CTNND2: variants seen among roughly 807,000 people sequenced by gnomAD.
CTNND2 encodes the protein catenin delta-2.
CTNND2 carries 22 observed loss-of-function variants against 144.4 expected under a neutral mutation model. The ratio of observed to expected loss-of-function variants is 0.15; its 90% CI spans 0.11 to 0.22. The LOEUF is 0.22. Among genes scored for constraint, CTNND2 ranks in the 10% least tolerant of loss-of-function variants. The pLI, the probability that CTNND2 is intolerant of heterozygous loss-of-function variation, is 1.00. For synonymous variants in CTNND2, 751 were observed against 695.6 expected (o/e 1.08, Z -1.25); for missense variants, 1,353 against 1,618.8 (o/e 0.84, Z 2.82).
chr5:11,067,818 G>C (rs1747775686), intron 16 of CTNND2, among the ~76,000 whole-genome samples: 1 of 152,196 alleles, frequency 6.6e-6, no homozygotes, highest in Non-Finnish European at 1.5e-5. Flanking sequence ...TAAGTGGAAA[G>C]GTAGAGACTT....
At chr5:11,088,231 T>C (rs1025033108) in intron 15 of CTNND2, among the ~76,000 whole-genome samples, 3 of 152,146 alleles carry the variant, frequency 2.0e-5, no homozygotes, top group Non-Finnish European at 4.4e-5. Flanking sequence ...CCTCAGATCT[T>C]ATTCTGAGAC....
chr5:11,182,149 TG>T (rs1247277205), intron 11 of CTNND2, among the ~76,000 whole-genome samples: 4 of 127,892 alleles, frequency 3.1e-5, no homozygotes, highest in Non-Finnish European at 5.0e-5. Context: ...TGTGTGTGGA[TG>T]GGGTGTGTGT....
At chr5:11,228,577 C>T (rs554785512) in intron 10 of CTNND2, among the ~76,000 whole-genome samples, 1 of 151,620 alleles carries the variant, frequency 6.6e-6, no homozygotes, top group East Asian at 2.0e-4. Flanking sequence ...CCTCGTCCTC[C>T]CAGGCTCAAG....
chr5:11,768,246 A>G (rs1230894447), intron 1 of CTNND2, among the ~76,000 whole-genome samples: 2 of 151,270 alleles, frequency 1.3e-5, no homozygotes, highest in Non-Finnish European at 2.9e-5. Flanking sequence ...TAGCACTCAG[A>G]GAGTCTCTCT....
chr5:11,743,092 T>A (rs1425532327), intron 1 of CTNND2, among the ~76,000 whole-genome samples: 2 of 152,234 alleles, frequency 1.3e-5, no homozygotes, highest in Admixed American at 1.3e-4. Context: ...TAGTAATAGT[T>A]GTCAAAACTA....
rs1280374399 is a variant in CTNND2, at chr5:10,972,691, G to C, written c.*762C>G. 6.6e-6 allele frequency: 1 copy of C among 152,544 alleles called. No individual in the cohort carries two copies. 9.4% of individuals were successfully genotyped at this position (152,544 alleles called of 1,614,324 possible). A position where few individuals can be genotyped will look rare whatever the true frequency, so the allele number is the denominator to read the frequency against. On this transcript the variant is annotated 3_prime_UTR_variant, in exon 22 of 22. Transcript: ENST00000304623. ...GTGGAATGATGTATGTTAATTGTCA[G>C]AAACTGCTGAATGCCTTGTTTAGTT... is the stretch of plus-strand genomic sequence containing the variant.
chr5:11,838,410 AAAC>A (rs1200820327), intron 1 of CTNND2, among the ~76,000 whole-genome samples: 3 of 152,172 alleles, frequency 2.0e-5, no homozygotes, highest in Non-Finnish European at 4.4e-5. Flanking sequence ...AGTGGTTCTC[AAAC>A]TTCGGGCAAT....
intron 1 of CTNND2, among the ~76,000 whole-genome samples, chr5:11,771,523 A>G (rs1001267265): frequency 3.9e-5 from 6 of 152,220 alleles, no homozygotes; most frequent in African/African-American, 1.4e-4. Context: ...TCAATGTTAA[A>G]GGGTTTTTTT....
At chr5:11,433,657 A>G (rs1763501610) in intron 3 of CTNND2, among the ~76,000 whole-genome samples, 2 of 152,252 alleles carry the variant, frequency 1.3e-5, no homozygotes, top group South Asian at 2.1e-4. Context: ...TAGGTGCCAC[A>G]CACTTTTAAA....
At chr5:11,554,010 A>C (rs1216703300) in intron 3 of CTNND2, among the ~76,000 whole-genome samples, 1 of 152,184 alleles carries the variant, frequency 6.6e-6, no homozygotes, top group Non-Finnish European at 1.5e-5. Context: ...TAAAGTATTC[A>C]ACCTTTCTAA....
At chr5:11,080,617 T>C (rs1023429505) in intron 16 of CTNND2, among the ~76,000 whole-genome samples, 11 of 152,320 alleles carry the variant, frequency 7.2e-5, no homozygotes, top group African/African-American at 2.4e-4. Context: ...ATACGGTATA[T>C]ATACACAAAG....
chr5:11,250,872 C>T lies in CTNND2; in HGVS notation c.1629-14049G>A, dbSNP rs992138292. ...AGGGGTACACAGGGCAGATGGAAGA[C>T]GTTTGACTACACCATAAAGACTAAG... On this transcript the variant is annotated intron_variant, in intron 9 of 21. Transcript: ENST00000304623. Among the ~76,000 whole-genome samples the T allele has an allele frequency of 3.3e-5, 5 of 152,116 alleles. No homozygotes were observed. In the South Asian group the frequency reaches 6.2e-4, roughly 19 times the overall value.
intron 14 of CTNND2, 76 bp from the exon 15 acceptor site, chr5:11,098,824 C>T: frequency 7.2e-7 from 1 of 1,392,488 alleles, no homozygotes; most frequent in Admixed American, 1.9e-5. Flanking sequence ...TCAAACATTA[C>T]AGGCGAAAAC....
At chr5:11,436,906 C>G (rs1437264334) in intron 3 of CTNND2, among the ~76,000 whole-genome samples, 1 of 152,174 alleles carries the variant, frequency 6.6e-6, no homozygotes, top group Admixed American at 6.5e-5. Context: ...AAAATGTTAA[C>G]TTACAAATGG....
chr5:11,089,191 A>G (rs1750495882), intron 15 of CTNND2, among the ~76,000 whole-genome samples: 1 of 152,168 alleles, frequency 6.6e-6, no homozygotes. Context: ...CATCAGGAGA[A>G]AATAACTTAT....
intron 12 of CTNND2, among the ~76,000 whole-genome samples, chr5:11,134,083 A>T (rs1218511224): frequency 6.6e-6 from 1 of 152,202 alleles, no homozygotes; most frequent in Non-Finnish European, 1.5e-5. Context: ...AACTCTTCAA[A>T]TCAGAAGAGG....
chr5:11,745,814 C>A (rs1047780728), intron 1 of CTNND2, among the ~76,000 whole-genome samples: 1 of 152,150 alleles, frequency 6.6e-6, no homozygotes, highest in Non-Finnish European at 1.5e-5. Context: ...TTGAGTGGAT[C>A]TCAGCATCTA....
At chr5:11,901,906 AC>A (rs1367111162) in intron 1 of CTNND2, among the ~76,000 whole-genome samples, 4 of 152,246 alleles carry the variant, frequency 2.6e-5, no homozygotes, top group African/African-American at 7.2e-5. Context: ...CATGTATGCT[AC>A]TTCATCTATT....
chr5:11,570,758 A>G (rs1456661299), intron 2 of CTNND2, among the ~76,000 whole-genome samples: 2 of 151,624 alleles, frequency 1.3e-5, no homozygotes, highest in Admixed American at 1.3e-4. Flanking sequence ...TTTGTGATCT[A>G]TTTATTTAGG....
Sources: gnomAD v4.1 joint callset for allele counts (sites outside exome capture counted in the v4.1 genomes callset) on GRCh38, gnomAD v4.1.1 for gene constraint, MANE v1.5 for transcripts, NCBI Gene and HGNC (gene_info 2026-07-23, HGNC 2026-07-21) for gene names.